TRAK2: variants seen among roughly 807,000 people sequenced by gnomAD.
TRAK2 encodes the protein trafficking kinesin-binding protein 2.
In TRAK2, 81 loss-of-function variants were observed where a neutral mutation model predicts 104.6. The ratio of observed to expected loss-of-function variants is 0.77; its 90% confidence interval spans 0.65 to 0.93. The LOEUF is 0.93. Ranked by LOEUF, TRAK2 falls within the 40% of genes least tolerant of loss-of-function variation. The pLI is 0.00. For missense variants in TRAK2, 1,002 were observed against 1,089.0 expected (o/e 0.92, Z 1.12); for synonymous variants, 406 against 394.4 (o/e 1.03, Z -0.35).
At chr2:201,429,524 C>A (rs1951822353) in intron 1 of TRAK2, among the ~76,000 whole-genome samples, 1 of 152,218 alleles carries the variant, frequency 6.6e-6, no homozygotes, top group African/African-American at 2.4e-5. Flanking sequence ...TTGGTCTTTT[C>A]ACACAGTCCC....
intron 7 of TRAK2, 82 bp from the exon 8 acceptor site, chr2:201,395,526 G>C: frequency 7.3e-7 from 1 of 1,370,510 alleles, no homozygotes. Flanking sequence ...GCTAAATCTT[G>C]TTTTATAACA....
chr2:201,386,716 T>TG (rs1207733592), intron 13 of TRAK2, among the ~76,000 whole-genome samples: 1 of 151,894 alleles, frequency 6.6e-6, no homozygotes, highest in Admixed American at 6.6e-5. Flanking sequence ...CCTAAAGGGG[T>TG]GAAAAAAAAC....
At chr2:201,430,170 G>A (rs981962092) in intron 1 of TRAK2, among the ~76,000 whole-genome samples, 1 of 152,202 alleles carries the variant, frequency 6.6e-6, no homozygotes, top group Admixed American at 6.5e-5. Context: ...CAATGTTGCT[G>A]CCTGATCCTT....
At chr2:201,381,268 A>C in intron 15 of TRAK2, 50 bp from the exon 16 acceptor site, 1 of 1,496,560 alleles carries the variant, frequency 6.7e-7, no homozygotes, top group Non-Finnish European at 9.0e-7. Context: ...AATAAAAAGC[A>C]AGCTCCAAGC....
chr2:201,440,923 C>T (rs941360444), intron 1 of TRAK2, among the ~76,000 whole-genome samples: 6 of 152,202 alleles, frequency 3.9e-5, no homozygotes, highest in Non-Finnish European at 7.3e-5. Flanking sequence ...CCTCACTACA[C>T]TGCAAGTTCC....
intron 14 of TRAK2, 140 bp downstream of exon 14, chr2:201,386,077 CT>C: frequency 1.1e-6 from 1 of 884,886 alleles, no homozygotes; most frequent in Non-Finnish European, 1.7e-6. Flanking sequence ...AGGAATGCCA[CT>C]AATGCTATAG....
intron 1 of TRAK2, among the ~76,000 whole-genome samples, chr2:201,434,065 C>T (rs531616357): frequency 2.0e-5 from 3 of 152,166 alleles, no homozygotes; most frequent in Non-Finnish European, 4.4e-5. Context: ...TCACGCCATT[C>T]TCCTGCCTCA....
intron 12 of TRAK2, 49 bp downstream of exon 12, chr2:201,389,251 C>A: frequency 6.5e-7 from 1 of 1,534,810 alleles, no homozygotes; most frequent in Non-Finnish European, 9.0e-7. Context: ...GAATCTGGTG[C>A]GGCAATGTGA....
At chr2:201,433,323 T>C (rs905190348) in intron 1 of TRAK2, 1 of 152,194 alleles carries the variant, frequency 6.6e-6, no homozygotes, top group African/African-American at 2.4e-5. Flanking sequence ...AGCACAGCTG[T>C]TCTATTAGCA....
intron 14 of TRAK2, among the ~76,000 whole-genome samples, chr2:201,385,584 G>A (rs1951381364): frequency 6.6e-6 from 1 of 152,120 alleles, no homozygotes; most frequent in African/African-American, 2.4e-5. Context: ...TAGTTTTAGT[G>A]TAATATCAAA....
Position 201,416,897 on chromosome 2 carries a change from G to A in TRAK2, c.91+3520C>T, listed in dbSNP as rs374754549. Among the ~76,000 whole-genome samples, 95 of 151,644 alleles carry A rather than the reference G, an allele frequency of 6.3e-4. 1 individual carries two copies. Among genetic ancestry groups the A allele is most frequent in the African/African-American group, 2.0e-3 (84 of 41,380 alleles). On this transcript the variant is annotated intron_variant, in intron 2 of 15. Coordinates refer to ENST00000332624, the MANE Select transcript of TRAK2 (RefSeq NM_015049.3). Reference sequence around the variant, plus strand: ...AGAAAATGAGAAAAAAACGGAAGACGGAACAAATAGAAAAAGAAAATAGGA... The same window carrying A: ...AGAAAATGAGAAAAAAACGGAAGACAGAACAAATAGAAAAAGAAAATAGGA...
chr2:201,380,004 G>A lies in TRAK2; in HGVS notation c.*539C>T, dbSNP rs1185206305. On this transcript the variant is annotated 3_prime_UTR_variant, in exon 16 of 16. Coordinates refer to ENST00000332624, the MANE Select transcript of TRAK2 (RefSeq NM_015049.3). Reference sequence around the variant, plus strand: ...ACTCCTAATTTTGCTAATGCTGCGAGCATACCATTTGATGGATACATAATT... The same window carrying A: ...ACTCCTAATTTTGCTAATGCTGCGAACATACCATTTGATGGATACATAATT... 1.3e-5 allele frequency: 2 copies of A among 154,930 alleles called. No homozygotes were observed. The highest frequency in any genetic ancestry group is 1.3e-4 in the Admixed American group (2 of 15,894). 9.6% of individuals were successfully genotyped at this position (154,930 alleles called of 1,614,324 possible).
chr2:201,397,701 A>G (rs1412929191), intron 6 of TRAK2, 121 bp from the exon 7 acceptor site: 1 of 716,532 alleles, frequency 1.4e-6, no homozygotes, highest in Non-Finnish European at 2.3e-6. Context: ...AAAACCCAAC[A>G]ACCTGTTCAT....
At chr2:201,441,521 G>A (rs1223189454) in intron 1 of TRAK2, among the ~76,000 whole-genome samples, 1 of 152,100 alleles carries the variant, frequency 6.6e-6, no homozygotes, top group Non-Finnish European at 1.5e-5. Flanking sequence ...CAAATTCAGT[G>A]GTTTGGCCTA....
chr2:201,440,615 G>A (rs1022587801), intron 1 of TRAK2, among the ~76,000 whole-genome samples: 1 of 152,092 alleles, frequency 6.6e-6, no homozygotes, highest in African/African-American at 2.4e-5. Context: ...ATTCTTTTGT[G>A]AGAATTTTAC....
Position 201,393,056 on chromosome 2 carries a change from AG to A in TRAK2, c.976-11del. ...CTTGTAACTCGTGCAGCTAAAAGAA[AG>A]GATGGTAGTGTACTTTATTGCCTTC... On this transcript the variant is annotated splice_polypyrimidine_tract_variant and intron_variant, in intron 9 of 15. Transcript: ENST00000332624. The A allele has an allele frequency of 6.2e-7, 1 of 1,606,320 alleles. No individual in the cohort carries two copies. Among genetic ancestry groups the A allele is most frequent in the Non-Finnish European group, 8.5e-7 (1 of 1,176,266 alleles).
intron 9 of TRAK2, 65 bp from the exon 10 acceptor site, chr2:201,393,111 G>A (rs1951463190): frequency 2.0e-6 from 3 of 1,501,936 alleles, no homozygotes; most frequent in Admixed American, 2.1e-5. Context: ...AAAAAAACCC[G>A]AAACCTTTTG....
intron 7 of TRAK2, 58 bp from the exon 8 acceptor site, chr2:201,395,502 A>C: frequency 6.9e-7 from 1 of 1,446,184 alleles, no homozygotes; most frequent in Non-Finnish European, 9.2e-7. Context: ...GAGTTGGCAA[A>C]CTATGACTTG....
At chr2:201,412,044 AC>A in intron 2 of TRAK2, 2 of 1,086,624 alleles carry the variant, frequency 1.8e-6, no homozygotes, top group Non-Finnish European at 2.9e-6. Context: ...AGGAAAATTA[AC>A]AAAATCTGGA....
Sources: allele counts gnomAD v4.1 joint callset (sites outside exome capture counted in the v4.1 genomes callset), GRCh38; gene constraint gnomAD v4.1.1; transcripts MANE v1.5; gene names NCBI Gene and HGNC (gene_info 2026-07-23, HGNC 2026-07-21).